SNX29: variants seen among roughly 807,000 people sequenced by gnomAD.
The protein encoded by SNX29 is sorting nexin-29.
Under a neutral mutation model 102.1 loss-of-function variants are expected in SNX29, and 78 were observed. The observed-to-expected ratio is 0.76, with a 90% CI of 0.64 to 0.92. The LOEUF is 0.92. Among genes scored for constraint, SNX29 ranks in the 40% least tolerant of loss-of-function variants. SNX29 has a pLI of 0.00. For synonymous variants in SNX29, 580 were observed against 414.5 expected, an observed-to-expected ratio of 1.40 and a Z score of -4.85; for missense variants, 1,280 against 1,061.7, an observed-to-expected ratio of 1.21 and a Z score of -2.86.
At chr16:11,979,275 CAAAAAAAAAAAAA>C (rs71139569) in intron 1 of SNX29, among the ~76,000 whole-genome samples, 41 of 62,006 alleles carry the variant, frequency 6.6e-4, no homozygotes, top group Non-Finnish European at 7.4e-4. Context: ...ACTCAGTCTC[CAAAAAAAAAAAAA>C]AAAAAAAAAA....
intron 13 of SNX29, among the ~76,000 whole-genome samples, chr16:12,142,624 G>A (rs577595788): frequency 3.5e-4 from 53 of 152,192 alleles, no homozygotes; most frequent in African/African-American, 1.3e-3. Flanking sequence ...GAGTGCAGTG[G>A]GGCGATCTCA....
intron 18 of SNX29, among the ~76,000 whole-genome samples, chr16:12,466,644 C>T (rs1225718145): frequency 1.3e-5 from 2 of 152,186 alleles, no homozygotes; most frequent in Non-Finnish European, 2.9e-5. Flanking sequence ...TCACCATGAT[C>T]TACCTGGAGC....
At chr16:12,108,413 C>A (rs1259124850) in intron 11 of SNX29, among the ~76,000 whole-genome samples, 2 of 152,162 alleles carry the variant, frequency 1.3e-5, no homozygotes, top group African/African-American at 4.8e-5. Flanking sequence ...ATGGGAGAAC[C>A]AAGTCAGCAG....
chr16:12,137,374 C>CCA (rs2054702336), intron 13 of SNX29, among the ~76,000 whole-genome samples: 1 of 152,232 alleles, frequency 6.6e-6, no homozygotes, highest in African/African-American at 2.4e-5. Context: ...GAGCCCTTGG[C>CCA]CCCTGGCCTT....
chr16:12,221,555 A>G (rs1034787897), intron 14 of SNX29, among the ~76,000 whole-genome samples: 5 of 152,212 alleles, frequency 3.3e-5, no homozygotes, highest in African/African-American at 1.2e-4. Context: ...TGGAGGTTGC[A>G]GTAAGCCAAG....
chr16:12,068,284 C>A (rs2051128925), intron 9 of SNX29, among the ~76,000 whole-genome samples: 1 of 151,766 alleles, frequency 6.6e-6, no homozygotes, highest in Admixed American at 6.6e-5. Context: ...TGAGACCAGC[C>A]TGGGCAACAT....
intron 4 of SNX29, among the ~76,000 whole-genome samples, chr16:12,032,394 T>TA (rs2057370213): frequency 6.6e-6 from 1 of 151,726 alleles, no homozygotes; most frequent in Non-Finnish European, 1.5e-5. Flanking sequence ...TTTTAGTAGA[T>TA]ACGTGGTTTC....
At chr16:12,212,804 C>T (rs760553180) in intron 14 of SNX29, among the ~76,000 whole-genome samples, 2 of 152,140 alleles carry the variant, frequency 1.3e-5, no homozygotes, top group Non-Finnish European at 2.9e-5. Context: ...GGTATGTATA[C>T]ATCATACAAT....
chr16:12,141,742 G>A (rs1239619812), intron 13 of SNX29, among the ~76,000 whole-genome samples: 1 of 152,198 alleles, frequency 6.6e-6, no homozygotes, highest in Non-Finnish European at 1.5e-5. Context: ...AGCACATAAT[G>A]AGCAGTGAGG....
intron 20 of SNX29, among the ~76,000 whole-genome samples, chr16:12,536,403 G>A (rs2077082087): frequency 6.6e-6 from 1 of 152,028 alleles, no homozygotes; most frequent in African/African-American, 2.4e-5. Context: ...GGTACAAGCA[G>A]AATGGCCTCA....
rs1383027382 is a variant in SNX29 at position 12,571,672 on chromosome 16, A to G, written c.*3043A>G. The G allele has an allele frequency of 3.8e-6, 4 of 1,059,144 alleles. No individual in the cohort carries two copies. Among genetic ancestry groups the G allele is most frequent in the Admixed American group, 5.5e-5 (1 of 18,220 alleles). The allele number at this position is 1,059,144 out of a possible 1,614,324, so 65.6% of individuals were successfully genotyped here. ...CGACTCAGGAACGGTAGGGCTGGGCAGAGGTGTCTCTCCTTGAGAGACAAC... is the reference window on the plus strand; with the variant it reads ...CGACTCAGGAACGGTAGGGCTGGGCGGAGGTGTCTCTCCTTGAGAGACAAC... On this transcript the variant is annotated 3_prime_UTR_variant, in exon 21 of 21. Transcript: ENST00000566228.
Position 12,569,285 on chromosome 16 carries a change from A to G in SNX29, c.*656A>G, listed in dbSNP as rs1356017512. ...AACTTGAGTTCAGAGAACTTCCCCTACCTCCCCCATGGCTGGCTTCAGGAA... is the reference window on the plus strand; with the variant it reads ...AACTTGAGTTCAGAGAACTTCCCCTGCCTCCCCCATGGCTGGCTTCAGGAA... On this transcript the variant is annotated 3_prime_UTR_variant, in exon 21 of 21. Transcript: ENST00000566228. The G allele has an allele frequency of 3.1e-5, 7 of 228,164 alleles. No homozygotes were observed. The highest frequency in any genetic ancestry group is 1.6e-4 in the African/African-American group (7 of 44,770). The allele number at this position is 228,164 out of a possible 1,614,324, so 14.1% of individuals were successfully genotyped here.
chr16:12,306,494 T>C (rs145401095), intron 15 of SNX29, among the ~76,000 whole-genome samples: 2 of 152,326 alleles, frequency 1.3e-5, no homozygotes, highest in East Asian at 3.9e-4. Flanking sequence ...ATAGAATCTT[T>C]GGCTGGAGAA....
chr16:12,473,717 A>G (rs2087463617), intron 18 of SNX29, among the ~76,000 whole-genome samples: 2 of 152,172 alleles, frequency 1.3e-5, no homozygotes, highest in Admixed American at 1.3e-4. Flanking sequence ...AGTAAAGAAG[A>G]CGGCTAAAAC....
intron 20 of SNX29, among the ~76,000 whole-genome samples, chr16:12,542,076 C>G (rs747165759): frequency 6.6e-6 from 1 of 151,968 alleles, no homozygotes; most frequent in Admixed American, 6.6e-5. Context: ...CCAGTTAGTC[C>G]AAATCCTGCA....
In SNX29 at chr16:12,572,639, C is replaced by G. The variant is rs988364946; in HGVS notation, c.*4010C>G. ...TACCCCCAGAATCCATCCTTCATTCCTCCACCAAGCTCCTGTGTGAGCTGC... is the reference window on the plus strand; with the variant it reads ...TACCCCCAGAATCCATCCTTCATTCGTCCACCAAGCTCCTGTGTGAGCTGC... On this transcript the variant is annotated 3_prime_UTR_variant, in exon 21 of 21. Coordinates refer to ENST00000566228, the MANE Select transcript of SNX29 (RefSeq NM_032167.5). 6 of 1,063,590 alleles carry G rather than the reference C, an allele frequency of 5.6e-6. No homozygotes were observed. In the South Asian group the frequency reaches 1.8e-4, roughly 32 times the overall value. 65.9% of individuals were successfully genotyped at this position (1,063,590 alleles called of 1,614,324 possible). A position where few individuals can be genotyped will look rare whatever the true frequency, so the allele number is the denominator to read the frequency against.
At chr16:12,258,971 C>T (rs1456188036) in intron 14 of SNX29, among the ~76,000 whole-genome samples, 4 of 152,126 alleles carry the variant, frequency 2.6e-5, no homozygotes, top group Admixed American at 6.5e-5. Context: ...AGAGATCCTC[C>T]GTAGACAAGA....
At chr16:12,307,144 T>C (rs2080363013) in intron 15 of SNX29, among the ~76,000 whole-genome samples, 1 of 152,228 alleles carries the variant, frequency 6.6e-6, no homozygotes, top group African/African-American at 2.4e-5. Context: ...TTCAGAATAG[T>C]GCTCTGTCAA....
chr16:12,558,321 C>A (rs532927997), intron 20 of SNX29, among the ~76,000 whole-genome samples: 1 of 151,662 alleles, frequency 6.6e-6, no homozygotes, highest in South Asian at 2.1e-4. Flanking sequence ...CCTCAAGTGG[C>A]TATCAACAAA....
Sources: allele counts gnomAD v4.1 joint callset (sites outside exome capture counted in the v4.1 genomes callset), GRCh38; gene constraint gnomAD v4.1.1; transcripts MANE v1.5; gene names NCBI Gene and HGNC (gene_info 2026-07-23, HGNC 2026-07-21).